Variants in ADAMTS17 observed in about 807,000 individuals in gnomAD.
ADAMTS17 encodes A disintegrin and metalloproteinase with thrombospondin motifs 17.
Under a neutral mutation model 141.5 loss-of-function variants are expected in ADAMTS17, and 113 were observed. That is an observed-to-expected ratio of 0.80 (90% confidence interval 0.69 to 0.93). The LOEUF is 0.93. Among genes scored for constraint, ADAMTS17 ranks in the 40% least tolerant of loss-of-function variants. ADAMTS17 has a pLI of 0.00. For synonymous variants in ADAMTS17, 768 were observed against 630.6 expected (o/e 1.22, Z -3.27); for missense variants, 1,659 against 1,517.9 (o/e 1.09, Z -1.54).
At chr15:100,228,537 A>G (rs140583279) in intron 7 of ADAMTS17, among the ~76,000 whole-genome samples, 2,194 of 152,318 alleles carry the variant, frequency 0.014, 23 homozygotes, top group Middle Eastern at 0.041. Flanking sequence ...GAGAAAAGGA[A>G]AACTCGAGGG....
chr15:100,304,837 G>A (rs1191682026), intron 3 of ADAMTS17, among the ~76,000 whole-genome samples: 1 of 152,160 alleles, frequency 6.6e-6, no homozygotes, highest in East Asian at 1.9e-4. Context: ...AAGACAGCAA[G>A]ACCAACCTCT....
chr15:100,173,393 T>G (rs2141481385), intron 8 of ADAMTS17, among the ~76,000 whole-genome samples: 1 of 152,238 alleles, frequency 6.6e-6, no homozygotes, highest in South Asian at 2.1e-4. Context: ...AAAGTATGCC[T>G]GCTAGAGTTT....
At chr15:100,046,666 C>T (rs982307451) in intron 18 of ADAMTS17, among the ~76,000 whole-genome samples, 1 of 152,186 alleles carries the variant, frequency 6.6e-6, no homozygotes, top group African/African-American at 2.4e-5. Context: ...AATCTCTAAA[C>T]ATAAATTGTG....
chr15:100,179,304 A>T (rs2040443132), intron 8 of ADAMTS17, among the ~76,000 whole-genome samples: 1 of 152,196 alleles, frequency 6.6e-6, no homozygotes, highest in Non-Finnish European at 1.5e-5. Context: ...AGCTCCAACA[A>T]ATAAGTAGAA....
In ADAMTS17 at chr15:100,019,572, C is replaced by T. The variant is rs150610612; in HGVS notation, c.2592-21983G>A. ...CACGGGCAACTGAACATGTGCTACCCGGTGTATGACCACACCTGCGCTCCA... is the reference window on the plus strand; with the variant it reads ...CACGGGCAACTGAACATGTGCTACCTGGTGTATGACCACACCTGCGCTCCA... On this transcript the variant is annotated intron_variant, in intron 18 of 21. Transcript: ENST00000268070. Among the ~76,000 whole-genome samples the T allele has an allele frequency of 1.3e-3, 203 of 152,292 alleles. 1 individual carries two copies. In the East Asian group the frequency reaches 0.019, roughly 15 times the overall value.
At chr15:100,073,671 C>A (rs938431742) in intron 15 of ADAMTS17, among the ~76,000 whole-genome samples, 9 of 148,170 alleles carry the variant, frequency 6.1e-5, no homozygotes, top group African/African-American at 1.0e-4. Context: ...GGACAAAAAA[C>A]CAAACACCGC....
chr15:100,056,278 A>G (rs1233350888), intron 15 of ADAMTS17, among the ~76,000 whole-genome samples: 1 of 152,180 alleles, frequency 6.6e-6, no homozygotes, highest in Non-Finnish European at 1.5e-5. Context: ...TTGCATATGC[A>G]TGTGTCTATT....
chr15:100,205,366 C>T (rs775587931), intron 7 of ADAMTS17, among the ~76,000 whole-genome samples: 6 of 152,162 alleles, frequency 3.9e-5, no homozygotes, highest in Non-Finnish European at 8.8e-5. Flanking sequence ...GAAACCAAAA[C>T]ATGCCGGGAG....
chr15:100,132,679 C>T (rs565924111), intron 11 of ADAMTS17, among the ~76,000 whole-genome samples: 5 of 152,302 alleles, frequency 3.3e-5, no homozygotes, highest in Non-Finnish European at 7.3e-5. Flanking sequence ...TCTGTGGTTC[C>T]CAATCACGGC....
At chr15:100,083,430 C>T (rs1171333394) in intron 15 of ADAMTS17, among the ~76,000 whole-genome samples, 3 of 152,178 alleles carry the variant, frequency 2.0e-5, no homozygotes, top group Admixed American at 6.5e-5. Context: ...GAGGAACTTC[C>T]ACCTGAGATG....
At chr15:100,296,844 T>C (rs1404058434) in intron 3 of ADAMTS17, among the ~76,000 whole-genome samples, 1 of 152,222 alleles carries the variant, frequency 6.6e-6, no homozygotes, top group Admixed American at 6.5e-5. Flanking sequence ...ATAGATGAAG[T>C]TGAAAGATAT....
chr15:100,027,437 T>C (rs2061536080), intron 18 of ADAMTS17, among the ~76,000 whole-genome samples: 1 of 152,240 alleles, frequency 6.6e-6, no homozygotes, highest in African/African-American at 2.4e-5. Context: ...CTGACCCTAG[T>C]CATCTCTTGG....
intron 18 of ADAMTS17, among the ~76,000 whole-genome samples, chr15:100,005,269 C>A (rs1003410053): frequency 3.9e-5 from 6 of 152,160 alleles, no homozygotes; most frequent in Non-Finnish European, 1.5e-5. Context: ...ACAAATTACC[C>A]CCAACTTAAT....
At chr15:100,145,964 G>A (rs984522486) in intron 10 of ADAMTS17, among the ~76,000 whole-genome samples, 3 of 152,216 alleles carry the variant, frequency 2.0e-5, no homozygotes, top group African/African-American at 7.2e-5. Context: ...CTTGAGGTCA[G>A]GAGTTCGTGA....
chr15:100,221,015 T>C (rs1287367528), intron 7 of ADAMTS17, among the ~76,000 whole-genome samples: 1 of 152,204 alleles, frequency 6.6e-6, no homozygotes, highest in African/African-American at 2.4e-5. Context: ...TCCAATTCTC[T>C]TGGGTACCTA....
At chr15:100,084,218 C>G (rs986053899) in intron 15 of ADAMTS17, among the ~76,000 whole-genome samples, 7 of 152,196 alleles carry the variant, frequency 4.6e-5, no homozygotes, top group African/African-American at 1.7e-4. Context: ...CTGGGAGGGT[C>G]CCATGCCCAC....
chr15:100,221,327 CTT>C (rs911650350), intron 7 of ADAMTS17, among the ~76,000 whole-genome samples: 2 of 151,012 alleles, frequency 1.3e-5, no homozygotes, highest in Admixed American at 6.6e-5. Context: ...CCTGTAGACT[CTT>C]GAGTCCCGCA....
intron 18 of ADAMTS17, among the ~76,000 whole-genome samples, chr15:100,047,734 G>A (rs2031821013): frequency 6.6e-6 from 1 of 152,106 alleles, no homozygotes; most frequent in South Asian, 2.1e-4. Flanking sequence ...AGTTTCCAGA[G>A]AAGAGGCTGT....
intron 10 of ADAMTS17, among the ~76,000 whole-genome samples, chr15:100,140,931 C>T (rs28626400): frequency 0.01 from 1,556 of 152,216 alleles, 29 homozygotes; most frequent in African/African-American, 0.036. Flanking sequence ...TTCAGCGACA[C>T]GTGATGCACT....
Sources: gnomAD v4.1 joint callset for allele counts (sites outside exome capture counted in the v4.1 genomes callset) on GRCh38, gnomAD v4.1.1 for gene constraint, MANE v1.5 for transcripts, NCBI Gene and HGNC (gene_info 2026-07-23, HGNC 2026-07-21) for gene names.